The following NCALD variants were observed in gnomAD, a reference collection of about 807,000 sequenced individuals.
NCALD encodes neurocalcin delta.
In NCALD, 10 loss-of-function variants were observed where a neutral mutation model predicts 18.6. The ratio of observed to expected loss-of-function variants is 0.54; its 90% CI spans 0.33 to 0.91. The LOEUF is 0.91. Ranked by LOEUF, NCALD falls within the 40% of genes least tolerant of loss-of-function variation. The pLI is 0.03. For synonymous variants in NCALD, 88 were observed against 87.4 expected (o/e 1.01, Z -0.04); for missense variants, 184 against 247.6 (o/e 0.74, Z 1.72).
At chr8:102,118,251 C>T (rs1161017685) in intron 1 of NCALD, among the ~76,000 whole-genome samples, 1 of 152,160 alleles carries the variant, frequency 6.6e-6, no homozygotes, top group Non-Finnish European at 1.5e-5. Flanking sequence ...TACTGAAAAC[C>T]ACAGCTCCAG....
chr8:102,010,691 C>T (rs1821875700), intron 2 of NCALD, among the ~76,000 whole-genome samples: 1 of 152,204 alleles, frequency 6.6e-6, no homozygotes, highest in African/African-American at 2.4e-5. Context: ...TTTGGCTTTA[C>T]TGGTAAGGCA....
chr8:101,791,649 C>T (rs1586516099), upstream of NCALD, among the ~76,000 whole-genome samples: 1 of 152,052 alleles, frequency 6.6e-6, no homozygotes, highest in East Asian at 1.9e-4. Flanking sequence ...ATTCAGGATT[C>T]CTGTACTGTA....
chr8:102,066,475 C>G (rs1239273286), intron 1 of NCALD, among the ~76,000 whole-genome samples: 1 of 152,160 alleles, frequency 6.6e-6, no homozygotes, highest in Non-Finnish European at 1.5e-5. Context: ...CGGTGCTGGG[C>G]CCAGACAATA....
chr8:101,968,112 A>G (rs1194822020), intron 2 of NCALD, among the ~76,000 whole-genome samples: 1 of 152,152 alleles, frequency 6.6e-6, no homozygotes, highest in African/African-American at 2.4e-5. Context: ...AGAGCCTATG[A>G]CCAATGTCAC....
chr8:101,805,635 G>C (rs970266655), intron 4 of NCALD, among the ~76,000 whole-genome samples: 2 of 152,162 alleles, frequency 1.3e-5, no homozygotes, highest in Non-Finnish European at 2.9e-5. Flanking sequence ...AGAACAGAGA[G>C]CTCTGAAGCT....
intron 2 of NCALD, among the ~76,000 whole-genome samples, chr8:101,701,087 T>C (rs551119470): frequency 1.3e-5 from 2 of 152,320 alleles, no homozygotes; most frequent in Admixed American, 1.3e-4. Flanking sequence ...CGAGTCCCAA[T>C]GGCCCCCAGA....
intron 1 of NCALD, among the ~76,000 whole-genome samples, chr8:101,764,103 A>G (rs1159460610): frequency 2.6e-5 from 4 of 151,936 alleles, no homozygotes; most frequent in Non-Finnish European, 5.9e-5. Flanking sequence ...TAGTAGGTGG[A>G]CGGATCTGAG....
At chr8:101,897,377 G>A (rs545934457) in intron 3 of NCALD, among the ~76,000 whole-genome samples, 7 of 122,430 alleles carry the variant, frequency 5.7e-5, no homozygotes, top group Admixed American at 5.3e-4. Context: ...GGGGTGGGGG[G>A]AGGGGGGAGG....
intron 1 of NCALD, among the ~76,000 whole-genome samples, chr8:102,068,860 A>G (rs1824093377): frequency 6.6e-6 from 1 of 152,252 alleles, no homozygotes; most frequent in Non-Finnish European, 1.5e-5. Context: ...AAAAAAGAAG[A>G]AAATTCTGTC....
intron 2 of NCALD, among the ~76,000 whole-genome samples, chr8:101,953,263 T>C (rs1303270950): frequency 1.3e-5 from 2 of 151,962 alleles, no homozygotes; most frequent in East Asian, 3.9e-4. Flanking sequence ...AACCTAAGAG[T>C]CTCTCATTGC....
At chr8:102,093,074 C>T (rs964022941) in intron 1 of NCALD, among the ~76,000 whole-genome samples, 14 of 152,028 alleles carry the variant, frequency 9.2e-5, no homozygotes, top group African/African-American at 3.4e-4. Context: ...GGGAGTATCA[C>T]CTGAGCCCAG....
chr8:101,816,872 G>C (rs762046582), intron 4 of NCALD, among the ~76,000 whole-genome samples: 1 of 152,144 alleles, frequency 6.6e-6, no homozygotes, highest in Non-Finnish European at 1.5e-5. Context: ...GACAATGAAG[G>C]AGGTTATGCA....
At chr8:101,818,728 A>G (rs1053689310) in intron 4 of NCALD, among the ~76,000 whole-genome samples, 4 of 152,188 alleles carry the variant, frequency 2.6e-5, no homozygotes, top group Non-Finnish European at 4.4e-5. Flanking sequence ...CTTTAGGGCC[A>G]GACGCAGCGG....
chr8:101,958,837 CTTTTA>C (rs976080760), intron 2 of NCALD, among the ~76,000 whole-genome samples: 29 of 152,170 alleles, frequency 1.9e-4, no homozygotes, highest in African/African-American at 5.1e-4. Context: ...TCCTAGCCCA[CTTTTA>C]TTTTATATTT....
chr8:102,060,145 T>A (rs28464729), intron 1 of NCALD, among the ~76,000 whole-genome samples: 56,356 of 151,892 alleles, frequency 0.37, 13,689 homozygotes, highest in African/African-American at 0.69. Context: ...CATGCCTGGC[T>A]AATTTTTTTG....
chr8:101,761,446 C>T (rs539839042), intron 1 of NCALD, among the ~76,000 whole-genome samples: 4 of 152,156 alleles, frequency 2.6e-5, no homozygotes, highest in Non-Finnish European at 5.9e-5. Flanking sequence ...CATTTTTTTT[C>T]CTGCAGTGTT....
chr8:101,839,181 C>T (rs914793096), intron 4 of NCALD, among the ~76,000 whole-genome samples: 3 of 152,118 alleles, frequency 2.0e-5, no homozygotes, highest in Non-Finnish European at 2.9e-5. Flanking sequence ...TGTTGAACCA[C>T]TGGAATTCCA....
intron 2 of NCALD, among the ~76,000 whole-genome samples, chr8:101,949,775 C>A (rs200835209): frequency 1.8e-4 from 26 of 148,302 alleles, no homozygotes; most frequent in African/African-American, 1.5e-4. Context: ...CAGGTTGAGA[C>A]AAAAAAAAAA....
At chr8:102,064,321 G>A (rs909224452) in intron 1 of NCALD, among the ~76,000 whole-genome samples, 1 of 152,110 alleles carries the variant, frequency 6.6e-6, no homozygotes, top group African/African-American at 2.4e-5. Context: ...CACTGCCAGG[G>A]CTCAGGGGAA....
Sources: gnomAD v4.1 joint callset for allele counts (sites outside exome capture counted in the v4.1 genomes callset) on GRCh38, gnomAD v4.1.1 for gene constraint, MANE v1.5 for transcripts, NCBI Gene and HGNC (gene_info 2026-07-23, HGNC 2026-07-21) for gene names.